The following CSNK1G3 variants were observed in gnomAD, a reference collection of about 807,000 sequenced individuals.
The protein encoded by CSNK1G3 is casein kinase 1 gamma 3.
Under a neutral mutation model 64.3 loss-of-function variants are expected in CSNK1G3, and 23 were observed. That is an observed-to-expected ratio of 0.36 (90% CI 0.26 to 0.51). CSNK1G3 has a LOEUF of 0.51. CSNK1G3 is among the 20% of genes least tolerant of loss of function. The probability of loss-of-function intolerance (pLI) is 0.96; values close to 1 mark genes in which losing one functional copy is unlikely to be tolerated. For synonymous variants in CSNK1G3, 158 were observed against 162.2 expected, an observed-to-expected ratio of 0.97 and a Z score of 0.20; for missense variants, 357 against 510.5, an observed-to-expected ratio of 0.70 and a Z score of 2.90.
intron 2 of CSNK1G3, among the ~76,000 whole-genome samples, chr5:123,546,795 G>C (rs978039691): frequency 6.6e-6 from 1 of 152,054 alleles, no homozygotes; most frequent in Non-Finnish European, 1.5e-5. Context: ...ACCCTAATTT[G>C]TAGTGACTCA....
intron 1 of CSNK1G3, among the ~76,000 whole-genome samples, chr5:123,537,500 TA>T (rs1418364021): frequency 6.6e-6 from 1 of 152,058 alleles, no homozygotes; most frequent in African/African-American, 2.4e-5. Context: ...TGGGTGATGG[TA>T]AAAGCCCTGA....
chr5:123,533,052 C>T (rs1780193670), intron 1 of CSNK1G3, among the ~76,000 whole-genome samples: 1 of 151,896 alleles, frequency 6.6e-6, no homozygotes, highest in South Asian at 2.1e-4. Context: ...CTCCCAGTTT[C>T]CCTTCTGTCT....
chr5:123,608,458 G>A (rs1289029272), intron 12 of CSNK1G3, among the ~76,000 whole-genome samples: 1 of 152,144 alleles, frequency 6.6e-6, no homozygotes, highest in East Asian at 1.9e-4. Context: ...ACAAATGATA[G>A]CACCTTCATC....
intron 6 of CSNK1G3, among the ~76,000 whole-genome samples, chr5:123,580,812 C>G (rs559390953): frequency 4.3e-4 from 65 of 151,852 alleles, no homozygotes; most frequent in Admixed American, 1.8e-3. Context: ...AAATAAAAAT[C>G]AGATCTTTTA....
chr5:123,532,904 G>A (rs1270151149), intron 1 of CSNK1G3, among the ~76,000 whole-genome samples: 3 of 151,736 alleles, frequency 2.0e-5, no homozygotes, highest in African/African-American at 7.2e-5. Context: ...ACCAGTTTTA[G>A]TTATTTTAGT....
At chr5:123,604,776 G>A (rs767294441) in exon 11 of CSNK1G3, 22 of 1,611,730 alleles carry the variant, frequency 1.4e-5, no homozygotes, top group African/African-American at 4.0e-5. Context: ...ACCGCAGGAC[G>A]TTCAAATGCA....
intron 1 of CSNK1G3, among the ~76,000 whole-genome samples, chr5:123,534,119 C>T (rs1054032250): frequency 1.3e-5 from 2 of 151,894 alleles, no homozygotes. Context: ...GTGCTAGGTT[C>T]AGGGATCATA....
intron 1 of CSNK1G3, among the ~76,000 whole-genome samples, chr5:123,528,530 T>G (rs1383541652): frequency 6.6e-6 from 1 of 152,208 alleles, no homozygotes; most frequent in Non-Finnish European, 1.5e-5. Flanking sequence ...ATCTTAAGGT[T>G]AAAGAGTGAA....
chr5:123,591,483 A>G (rs772333871), intron 10 of CSNK1G3, 69 bp downstream of exon 10: 72 of 909,588 alleles, frequency 7.9e-5, no homozygotes, highest in Non-Finnish European at 1.2e-4. Flanking sequence ...TCTTCAATAG[A>G]TAAAACAGAC....
chr5:123,537,406 TAGAC>T (rs1781017381), intron 1 of CSNK1G3, among the ~76,000 whole-genome samples: 1 of 143,474 alleles, frequency 7.0e-6, no homozygotes, highest in Non-Finnish European at 1.5e-5. Context: ...AGTGGAATGA[TAGAC>T]AGTGGAGACT....
intron 6 of CSNK1G3, among the ~76,000 whole-genome samples, chr5:123,581,772 A>AT (rs1478484133): frequency 6.6e-6 from 1 of 151,688 alleles, no homozygotes; most frequent in African/African-American, 2.4e-5. Flanking sequence ...AGGAAGAGGT[A>AT]TTTTTGTTTT....
chr5:123,562,956 G>T (rs1786067732), intron 4 of CSNK1G3, among the ~76,000 whole-genome samples: 1 of 151,956 alleles, frequency 6.6e-6, no homozygotes, highest in African/African-American at 2.4e-5. Flanking sequence ...AAAATGCATA[G>T]AACATATTTG....
chr5:123,524,780 G>A (rs1778738928), intron 1 of CSNK1G3, among the ~76,000 whole-genome samples: 1 of 152,156 alleles, frequency 6.6e-6, no homozygotes, highest in Admixed American at 6.5e-5. Context: ...AGAGGACCTT[G>A]TTTTAAGGGA....
chr5:123,564,387 A>T (rs1048103646), intron 4 of CSNK1G3, among the ~76,000 whole-genome samples: 1 of 152,148 alleles, frequency 6.6e-6, no homozygotes, highest in Non-Finnish European at 1.5e-5. Flanking sequence ...CTAAATATAC[A>T]TAATTTTTGT....
At chr5:123,611,185 C>G (rs1481636902) in intron 12 of CSNK1G3, among the ~76,000 whole-genome samples, 1 of 152,070 alleles carries the variant, frequency 6.6e-6, no homozygotes, top group Non-Finnish European at 1.5e-5. Flanking sequence ...AAGAAATAAG[C>G]CATAAGGTTA....
chr5:123,582,963 AT>A (rs1790580544), intron 6 of CSNK1G3, among the ~76,000 whole-genome samples: 1 of 152,172 alleles, frequency 6.6e-6, no homozygotes, highest in Non-Finnish European at 1.5e-5. Flanking sequence ...TCAGTAATAG[AT>A]TTGTTTTACT....
intron 12 of CSNK1G3, among the ~76,000 whole-genome samples, chr5:123,611,968 G>A (rs1796408637): frequency 2.0e-5 from 3 of 152,112 alleles, no homozygotes; most frequent in South Asian, 4.1e-4. Context: ...GAAATATTAG[G>A]TAGCTGACAG....
chr5:123,530,579 CTG>C (rs1779764199), intron 1 of CSNK1G3, among the ~76,000 whole-genome samples: 1 of 152,074 alleles, frequency 6.6e-6, no homozygotes, highest in Non-Finnish European at 1.5e-5. Flanking sequence ...ATTAAAAAAA[CTG>C]TTGTCTGAGA....
At chr5:123,586,722 C>T (rs1791396569) in intron 6 of CSNK1G3, among the ~76,000 whole-genome samples, 1 of 152,154 alleles carries the variant, frequency 6.6e-6, no homozygotes, top group Non-Finnish European at 1.5e-5. Context: ...AATAAAAACA[C>T]AAACATAGTA....
Sources: gnomAD v4.1 joint callset for allele counts (sites outside exome capture counted in the v4.1 genomes callset) on GRCh38, gnomAD v4.1.1 for gene constraint, MANE v1.5 for transcripts, NCBI Gene and HGNC (gene_info 2026-07-23, HGNC 2026-07-21) for gene names.